ADAMTS19: variants seen among roughly 807,000 people sequenced by gnomAD.
ADAMTS19 encodes the protein A disintegrin and metalloproteinase with thrombospondin motifs 19.
Under a neutral mutation model 153.3 loss-of-function variants are expected in ADAMTS19, and 93 were observed. The ratio of observed to expected loss-of-function variants is 0.61; its 90% CI spans 0.51 to 0.72. The LOEUF (loss-of-function observed/expected upper bound fraction) is 0.72. Ranked by LOEUF, ADAMTS19 falls within the 30% of genes least tolerant of loss-of-function variation. The probability of loss-of-function intolerance (pLI) is 0.00; values close to 1 mark genes in which losing one functional copy is unlikely to be tolerated. For missense variants in ADAMTS19, 1,482 were observed against 1,552.1 expected, an observed-to-expected ratio of 0.95 and a Z score of 0.76; for synonymous variants, 600 against 556.6, an observed-to-expected ratio of 1.08 and a Z score of -1.10.
rs10054661 is a variant in ADAMTS19 at position 129,516,477 on chromosome 5, T to C, written c.913+7235T>C. ...CATTTTATTATGGCTTCAATCTTGT[T>C]ACTTGCTATCTGTTCAGATTTTTGA... On this transcript the variant is annotated intron_variant, in intron 3 of 22. Coordinates refer to ENST00000274487, the MANE Select transcript of ADAMTS19 (RefSeq NM_133638.6). Among the ~76,000 whole-genome samples the C allele has an allele frequency of 9.9e-3, 1,510 of 151,894 alleles. 29 individuals carry two copies. Among genetic ancestry groups the C allele is most frequent in the African/African-American group, 0.035 (1,466 of 41,500 alleles).
intron 2 of ADAMTS19, among the ~76,000 whole-genome samples, chr5:129,485,512 C>A (rs1396715644): frequency 1.3e-5 from 2 of 151,762 alleles, no homozygotes; most frequent in Non-Finnish European, 2.9e-5. Context: ...TGGAAAAACA[C>A]TAGAGAAAAA....
chr5:129,461,340 GC>G lies in ADAMTS19; in HGVS notation c.335del (p.Pro112ArgfsTer138), dbSNP rs1420580477. 7.5e-7 allele frequency: 1 copy of G among 1,333,230 alleles called. No homozygotes were observed. The highest frequency in any genetic ancestry group is 9.5e-7 in the Non-Finnish European group (1 of 1,050,980). The allele number at this position is 1,333,230 out of a possible 1,614,324, so 82.6% of individuals were successfully genotyped here. On this transcript the variant is annotated frameshift_variant, in exon 2 of 23. Coordinates refer to ENST00000274487, the MANE Select transcript of ADAMTS19 (RefSeq NM_133638.6). LOFTEE classifies it high-confidence loss of function. The surrounding 1 kb of genome is among the most constrained non-coding windows in gnomAD (Gnocchi z 4.6). ...AGGGCCGATCAGAGTCCCGGCTCCG[GC>G]CCCCGCCGCCGTCGGAGGGTGAGGA... Reference protein sequence around the residue: ...VEGRSESRLRPPPPSEGEEDE... With the variant: ...VEGRSESRLRXPPPSEGEEDE...
At chr5:129,651,427 G>A (rs558711139) in intron 13 of ADAMTS19, among the ~76,000 whole-genome samples, 1 of 152,040 alleles carries the variant, frequency 6.6e-6, no homozygotes, top group Non-Finnish European at 1.5e-5. Flanking sequence ...GGATATTTCT[G>A]TGTCCTGCCC....
At chr5:129,599,810 AC>A (rs774933188) in intron 8 of ADAMTS19, among the ~76,000 whole-genome samples, 5 of 152,164 alleles carry the variant, frequency 3.3e-5, no homozygotes, top group Non-Finnish European at 5.9e-5. Flanking sequence ...ATAGAGCTGT[AC>A]CCAAAATCAA....
intron 3 of ADAMTS19, among the ~76,000 whole-genome samples, chr5:129,516,276 C>CT (rs61392717): frequency 0.22 from 29,206 of 133,978 alleles, 3,202 homozygotes; most frequent in East Asian, 0.46. Context: ...TTTTTCTTTT[C>CT]TTTTTTTTTT....
intron 14 of ADAMTS19, among the ~76,000 whole-genome samples, chr5:129,656,538 G>A (rs1753554514): frequency 6.6e-6 from 1 of 152,168 alleles, no homozygotes; most frequent in Admixed American, 6.5e-5. Flanking sequence ...GAGCCTGTAT[G>A]ATCATGTTAT....
At chr5:129,567,153 G>T (rs939947020) in intron 7 of ADAMTS19, among the ~76,000 whole-genome samples, 1 of 152,010 alleles carries the variant, frequency 6.6e-6, no homozygotes, top group African/African-American at 2.4e-5. Flanking sequence ...CAAAGGCCTT[G>T]AAAATTGACA....
chr5:129,714,425 C>CAAAAAAA lies in ADAMTS19; in HGVS notation c.3312+10046_3312+10052dup, dbSNP rs397949658. 2.5e-3 allele frequency among the ~76,000 whole-genome samples: 241 copies of CAAAAAAA among 98,162 alleles called. 4 individuals carry two copies. Among genetic ancestry groups the CAAAAAAA allele is most frequent in the African/African-American group, 9.3e-3 (217 of 23,390 alleles). 64.4% of individuals were successfully genotyped at this position (98,162 alleles called of 152,430 possible). ...TGGGCGACAGAGCGAGACTCCGTCT[C>CAAAAAAA]AAAAAAAAAAAAAAAAAAGAAAAAT... is the stretch of plus-strand genomic sequence containing the variant. On this transcript the variant is annotated intron_variant, in intron 21 of 22. Coordinates refer to ENST00000274487, the MANE Select transcript of ADAMTS19 (RefSeq NM_133638.6).
chr5:129,678,649 C>T (rs562711967), intron 16 of ADAMTS19, among the ~76,000 whole-genome samples: 2 of 152,040 alleles, frequency 1.3e-5, no homozygotes, highest in South Asian at 4.2e-4. Context: ...ATTGATGCAA[C>T]CTCTAGGAAA....
At chr5:129,502,773 AC>A (rs1296828529) in intron 2 of ADAMTS19, among the ~76,000 whole-genome samples, 1 of 152,206 alleles carries the variant, frequency 6.6e-6, no homozygotes, top group Admixed American at 6.5e-5. Flanking sequence ...AAGAAGGAAG[AC>A]TACATTTGAG....
intron 21 of ADAMTS19, among the ~76,000 whole-genome samples, chr5:129,706,601 G>T (rs1756168076): frequency 6.6e-6 from 1 of 151,128 alleles, no homozygotes; most frequent in Non-Finnish European, 1.5e-5. Context: ...AATGTTAGTT[G>T]TTGTTAACCT....
At chr5:129,528,967 T>G (rs913252810) in intron 6 of ADAMTS19, among the ~76,000 whole-genome samples, 2 of 152,118 alleles carry the variant, frequency 1.3e-5, no homozygotes, top group African/African-American at 4.8e-5. Context: ...CTATGGTGAA[T>G]TTTGTTGTAA....
intron 7 of ADAMTS19, among the ~76,000 whole-genome samples, chr5:129,594,018 C>A (rs1462340552): frequency 6.6e-6 from 1 of 152,092 alleles, no homozygotes. Flanking sequence ...AGTTATTTCC[C>A]TAAGTTAGTA....
Position 129,711,686 on chromosome 5 carries a change from AC to A in ADAMTS19, c.3312+7296del, listed in dbSNP as rs1756483115. On this transcript the variant is annotated intron_variant, in intron 21 of 22. Coordinates refer to ENST00000274487, the MANE Select transcript of ADAMTS19 (RefSeq NM_133638.6). ...GTGAGACTCTGTCTCAAAAAAAAAA[AC>A]AAAAATTCTTTAGGCTAGCATTTCC... Among the ~76,000 whole-genome samples, 7 of 152,198 alleles carry A rather than the reference AC, an allele frequency of 4.6e-5. No individual in the cohort carries two copies. In the South Asian group the frequency reaches 1.2e-3, roughly 27 times the overall value.
At chr5:129,635,828 T>C (rs1183599831) in intron 10 of ADAMTS19, among the ~76,000 whole-genome samples, 1 of 152,136 alleles carries the variant, frequency 6.6e-6, no homozygotes, top group Non-Finnish European at 1.5e-5. Flanking sequence ...CTATACATCA[T>C]ACCCCCATGA....
At chr5:129,577,664 A>T (rs1408375947) in intron 7 of ADAMTS19, among the ~76,000 whole-genome samples, 2 of 152,152 alleles carry the variant, frequency 1.3e-5, no homozygotes, top group East Asian at 3.9e-4. Context: ...CATTTGAGAA[A>T]TGACCAAGAG....
chr5:129,720,167 TATA>T (rs1419893756), intron 21 of ADAMTS19, among the ~76,000 whole-genome samples: 36 of 140,968 alleles, frequency 2.6e-4, no homozygotes, highest in African/African-American at 7.7e-4. Flanking sequence ...TATATATATA[TATA>T]TTTATTTTTT....
chr5:129,624,314 C>G (rs1452857424), intron 10 of ADAMTS19, among the ~76,000 whole-genome samples: 1 of 152,052 alleles, frequency 6.6e-6, no homozygotes. Context: ...CGGTACCTCT[C>G]TGACCTCATC....
chr5:129,471,178 A>G (rs1404471452), intron 2 of ADAMTS19, among the ~76,000 whole-genome samples: 2 of 151,988 alleles, frequency 1.3e-5, no homozygotes, highest in Non-Finnish European at 1.5e-5. Context: ...CTGAATGACA[A>G]ACCTAAAATA....
Sources: gnomAD v4.1 joint callset for allele counts (sites outside exome capture counted in the v4.1 genomes callset) on GRCh38, gnomAD v4.1.1 for gene constraint, Gnocchi (gnomAD v3.1) non-coding constraint, MANE v1.5 for transcripts, NCBI Gene and HGNC (gene_info 2026-07-23, HGNC 2026-07-21) for gene names.